Variants in SGCD observed in about 807,000 individuals in gnomAD.
The protein encoded by SGCD is sarcoglycan delta.
Under a neutral mutation model 36.6 loss-of-function variants are expected in SGCD, and 18 were observed. That is an observed-to-expected ratio of 0.49 (90% CI 0.34 to 0.73). The LOEUF is 0.73. Among genes scored for constraint, SGCD ranks in the 30% least tolerant of loss-of-function variants. SGCD has a pLI of 0.01. For synonymous variants in SGCD, 133 were observed against 130.6 expected (o/e 1.02, Z -0.12); for missense variants, 387 against 346.7 (o/e 1.12, Z -0.92).
intron 3 of SGCD, among the ~76,000 whole-genome samples, chr5:156,260,902 C>T (rs549387773): frequency 6.6e-6 from 1 of 152,100 alleles, no homozygotes; most frequent in South Asian, 2.1e-4. Flanking sequence ...AAATATTATG[C>T]CTTTCAAAGC....
intron 3 of SGCD, among the ~76,000 whole-genome samples, chr5:156,303,223 C>T (rs555339101): frequency 6.6e-6 from 1 of 152,226 alleles, no homozygotes; most frequent in South Asian, 2.1e-4. Flanking sequence ...CCTCCCTTTT[C>T]CATAAGCAGA....
chr5:156,137,754 C>A (rs879175749), intron 3 of SGCD, among the ~76,000 whole-genome samples: 1 of 152,070 alleles, frequency 6.6e-6, no homozygotes, highest in Admixed American at 6.5e-5. Flanking sequence ...GTGGGGCCGG[C>A]AGCATTACTG....
chr5:156,367,771 A>G (rs972396194), intron 3 of SGCD, among the ~76,000 whole-genome samples: 2 of 152,174 alleles, frequency 1.3e-5, no homozygotes, highest in African/African-American at 4.8e-5. Flanking sequence ...GCTGATGACT[A>G]TGCCTGCTGC....
intron 6 of SGCD, among the ~76,000 whole-genome samples, chr5:156,610,495 C>T (rs1460025879): frequency 6.6e-6 from 1 of 152,196 alleles, no homozygotes; most frequent in African/African-American, 2.4e-5. Flanking sequence ...GGTCAGGGAC[C>T]CACTTGAGGG....
intron 4 of SGCD, among the ~76,000 whole-genome samples, chr5:156,576,393 G>A (rs1223270795): frequency 7.9e-5 from 12 of 152,068 alleles, no homozygotes; most frequent in South Asian, 2.1e-4. Context: ...ATACATGTGC[G>A]TGTGTCTTTA....
At chr5:156,291,649 G>A (rs998911906) in intron 3 of SGCD, among the ~76,000 whole-genome samples, 2 of 151,930 alleles carry the variant, frequency 1.3e-5, no homozygotes, top group African/African-American at 4.8e-5. Flanking sequence ...ACTCTCTAAA[G>A]GGAAGGGAGA....
the SGCD span, among the ~76,000 whole-genome samples, chr5:155,772,059 A>G: frequency 2.0e-5 from 3 of 152,194 alleles, no homozygotes; most frequent in Admixed American, 6.5e-5. Flanking sequence ...AAAGTGGAGA[A>G]TACTTGGTTT....
the SGCD span, among the ~76,000 whole-genome samples, chr5:155,789,209 C>CT: frequency 9.9e-5 from 15 of 152,112 alleles, no homozygotes; most frequent in East Asian, 1.9e-3. Flanking sequence ...GTTCTTTTCT[C>CT]TTTTTTTGAA....
At chr5:156,146,219 A>T (rs1362717668) in intron 3 of SGCD, among the ~76,000 whole-genome samples, 2 of 152,174 alleles carry the variant, frequency 1.3e-5, no homozygotes, top group African/African-American at 4.8e-5. Flanking sequence ...TCTCTAAAAA[A>T]CAAAACAAAA....
intron 3 of SGCD, among the ~76,000 whole-genome samples, chr5:156,460,653 T>A (rs1309441326): frequency 1.3e-5 from 2 of 152,194 alleles, no homozygotes; most frequent in Non-Finnish European, 2.9e-5. Context: ...TGGGGCCTGT[T>A]ACCCTCAGCT....
intron 1 of SGCD, among the ~76,000 whole-genome samples, chr5:155,976,490 C>T (rs10041996): frequency 0.017 from 2,640 of 152,302 alleles, 63 homozygotes; most frequent in African/African-American, 0.06. Flanking sequence ...ATACCAAGAA[C>T]GTAACACAGG....
chr5:156,222,172 A>G (rs1764733160), intron 3 of SGCD, among the ~76,000 whole-genome samples: 1 of 152,098 alleles, frequency 6.6e-6, no homozygotes, highest in African/African-American at 2.4e-5. Flanking sequence ...GCTCCCTGTC[A>G]GTGGAAATGA....
intron 3 of SGCD, among the ~76,000 whole-genome samples, chr5:156,499,252 T>G (rs927994564): frequency 1.3e-5 from 2 of 152,190 alleles, no homozygotes; most frequent in Non-Finnish European, 2.9e-5. Context: ...CTAACGCGTA[T>G]GGAAATGGTA....
At chr5:156,408,680 G>A (rs544424595) in intron 3 of SGCD, among the ~76,000 whole-genome samples, 8 of 152,224 alleles carry the variant, frequency 5.3e-5, no homozygotes, top group East Asian at 1.9e-4. Context: ...TTTCATGTGC[G>A]TATCACCCCT....
chr5:156,542,516 G>A (rs139569299), intron 4 of SGCD, among the ~76,000 whole-genome samples: 301 of 152,144 alleles, frequency 2.0e-3, no homozygotes, highest in African/African-American at 6.9e-3. Flanking sequence ...CAGCTTTCTG[G>A]AAAAAAATAA....
chr5:155,751,917 A>G, the SGCD span, among the ~76,000 whole-genome samples: 1 of 152,154 alleles, frequency 6.6e-6, no homozygotes, highest in Non-Finnish European at 1.5e-5. Flanking sequence ...CACTGTGTGA[A>G]CTGTGTGACC....
rs574139616 is a variant in SGCD, at chr5:156,052,123, C to A, written c.-281-65755C>A. ...CAGAGTTCCTGCTAGAGCACTTCCGCCCACAGCTTGAATCCCAAGTTCCAC... is the reference window on the plus strand; with the variant it reads ...CAGAGTTCCTGCTAGAGCACTTCCGACCACAGCTTGAATCCCAAGTTCCAC... On this transcript the variant is annotated intron_variant, in intron 1 of 9. Transcript: ENST00000517913. Among the ~76,000 whole-genome samples, 133 of 146,294 alleles carry A rather than the reference C, an allele frequency of 9.1e-4. 24 individuals are homozygous for A. Among genetic ancestry groups the A allele is most frequent in the Non-Finnish European group, 1.8e-3 (118 of 64,860 alleles).
intron 4 of SGCD, among the ~76,000 whole-genome samples, chr5:156,527,872 C>G (rs1561756610): frequency 6.6e-6 from 1 of 152,112 alleles, no homozygotes; most frequent in Non-Finnish European, 1.5e-5. Flanking sequence ...TGAAAATGAC[C>G]AGACTGGATC....
chr5:155,753,122 G>A, the SGCD span, among the ~76,000 whole-genome samples: 1 of 152,100 alleles, frequency 6.6e-6, no homozygotes, highest in African/African-American at 2.4e-5. Context: ...AAGATCACGA[G>A]GTCAAGAGAT....
Sources: allele counts gnomAD v4.1 joint callset (sites outside exome capture counted in the v4.1 genomes callset), GRCh38; gene constraint gnomAD v4.1.1; transcripts MANE v1.5; gene names NCBI Gene and HGNC (gene_info 2026-07-23, HGNC 2026-07-21).